Variants in IL7 observed in about 807,000 individuals in gnomAD.
IL7 encodes the protein interleukin-7.
A neutral mutation model predicts 21.6 loss-of-function variants in IL7; 3 were observed. The observed-to-expected ratio is 0.14, with a 90% CI of 0.06 to 0.36. The LOEUF (loss-of-function observed/expected upper bound fraction) is 0.36. Among genes scored for constraint, IL7 ranks in the 10% least tolerant of loss-of-function variants. The pLI, the probability that IL7 is intolerant of heterozygous loss-of-function variation, is 1.00. For missense variants in IL7, 175 were observed against 200.2 expected (o/e 0.87, Z 0.76); for synonymous variants, 62 against 68.1 (o/e 0.91, Z 0.44).
At chr8:78,737,343 A>C (rs1364789005) in intron 4 of IL7, among the ~76,000 whole-genome samples, 1 of 152,172 alleles carries the variant, frequency 6.6e-6, no homozygotes, top group Non-Finnish European at 1.5e-5. Flanking sequence ...TATCTGCATT[A>C]GACAGTACTT....
chr8:78,776,129 T>A (rs1411480382), intron 2 of IL7, among the ~76,000 whole-genome samples: 3 of 152,038 alleles, frequency 2.0e-5, no homozygotes, highest in African/African-American at 7.2e-5. Flanking sequence ...ATAGAGCAAT[T>A]ATGACAATAT....
chr8:78,750,143 G>A (rs1002420342), intron 2 of IL7, among the ~76,000 whole-genome samples: 4 of 152,030 alleles, frequency 2.6e-5, no homozygotes, highest in Non-Finnish European at 5.9e-5. Flanking sequence ...TTTTATCAGA[G>A]TCTGATCTGC....
chr8:78,715,425 A>G (rs547542038), downstream of IL7: 250 of 1,139,656 alleles, frequency 2.2e-4, no homozygotes, highest in Non-Finnish European at 2.9e-4. Context: ...AGCTATTTAT[A>G]GAAAACCTGA....
At chr8:78,768,042 T>C (rs1246192895) in intron 2 of IL7, among the ~76,000 whole-genome samples, 1 of 152,146 alleles carries the variant, frequency 6.6e-6, no homozygotes, top group Admixed American at 6.6e-5. Context: ...GTTCTTGTGA[T>C]AGTTTACTGA....
At chr8:78,693,440 G>A (rs1017953401) in intron 3 of IL7, among the ~76,000 whole-genome samples, 1 of 152,134 alleles carries the variant, frequency 6.6e-6, no homozygotes, top group African/African-American at 2.4e-5. Context: ...GGTGTGAGAT[G>A]GTATCTCATT....
At chr8:78,765,156 C>A (rs1812716446) in intron 2 of IL7, among the ~76,000 whole-genome samples, 1 of 152,054 alleles carries the variant, frequency 6.6e-6, no homozygotes, top group African/African-American at 2.4e-5. Context: ...AGACACAGAC[C>A]TTGAACCTTT....
rs146162610 is a variant in IL7 at position 78,779,112 on chromosome 8, G to T, written c.147+18960C>A. On this transcript the variant is annotated intron_variant, in intron 2 of 5. Transcript: ENST00000263851. ...TGATTTTGTATTCTGAGATTTTGCT[G>T]AAGTTGCTTATCAGCTTAAGAAGCT... Among the ~76,000 whole-genome samples the T allele has an allele frequency of 8.9e-3, 1,360 of 152,288 alleles. 15 individuals carry two copies. Among genetic ancestry groups the T allele is most frequent in the African/African-American group, 0.031 (1,282 of 41,546 alleles).
chr8:78,750,790 C>G (rs1425093977), intron 2 of IL7, among the ~76,000 whole-genome samples: 1 of 152,138 alleles, frequency 6.6e-6, no homozygotes, highest in Non-Finnish European at 1.5e-5. Flanking sequence ...TGCCACTGCA[C>G]TCCAGCCTGG....
At chr8:78,703,999 A>G (rs1810688858) in intron 3 of IL7, among the ~76,000 whole-genome samples, 1 of 152,114 alleles carries the variant, frequency 6.6e-6, no homozygotes, top group African/African-American at 2.4e-5. Flanking sequence ...TTCCTACAGC[A>G]TTTGCTGGTC....
At chr8:78,725,480 A>G (rs978062764) in intron 3 of IL7, among the ~76,000 whole-genome samples, 3 of 152,080 alleles carry the variant, frequency 2.0e-5, no homozygotes, top group Admixed American at 6.6e-5. Context: ...CAGAGATTCT[A>G]TGCATTTCCC....
chr8:78,747,464 C>T (rs186552018), intron 2 of IL7, among the ~76,000 whole-genome samples: 1 of 152,110 alleles, frequency 6.6e-6, no homozygotes, highest in Non-Finnish European at 1.5e-5. Context: ...ACTATGACAA[C>T]CTATCCATGG....
chr8:78,680,255 C>G (rs901579130), intron 4 of IL7, among the ~76,000 whole-genome samples: 3 of 140,664 alleles, frequency 2.1e-5, no homozygotes, highest in Non-Finnish European at 1.5e-5. Context: ...AGTCCGCAGT[C>G]CGGCCTGGGC....
chr8:78,720,889 C>T (rs1191008143), intron 5 of IL7: 1 of 151,714 alleles, frequency 6.6e-6, no homozygotes, highest in African/African-American at 2.4e-5. Flanking sequence ...AGATAAGGAT[C>T]TTTTTTTCCC....
chr8:78,775,812 CG>C (rs1423242271), intron 2 of IL7, among the ~76,000 whole-genome samples: 3 of 151,950 alleles, frequency 2.0e-5, no homozygotes, highest in Non-Finnish European at 4.4e-5. Context: ...TAGAAGTAAG[CG>C]TAAGGATGAT....
rs1209007107 is a variant in IL7, at chr8:78,733,728, G to A, written c.519C>T (p.Gly173=). 25 of 1,599,208 alleles carry A rather than the reference G, an allele frequency of 1.6e-5. No homozygotes were observed. The highest frequency in any genetic ancestry group is 1.7e-4 in the Middle Eastern group (1 of 6,020). ...TCCATATTTTTCAGTGTTCTTTAGT[G>A]CCCATCAAAATTTTATTCCAACAAG... is the stretch of plus-strand genomic sequence containing the variant. ...IKTCWNKILM[G]TKEH is the part of the protein sequence containing the mutation. Residue 173 remains glycine, a synonymous_variant, in exon 6 of 6, where the codon GGC becomes GGT. Coordinates refer to ENST00000263851, the MANE Select transcript of IL7 (RefSeq NM_000880.4).
In IL7 at chr8:78,774,093, A is replaced by AT. The variant is rs1431132287; in HGVS notation, c.147+23978_147+23979insA. Among the ~76,000 whole-genome samples, 4 of 152,248 alleles carry AT rather than the reference A, an allele frequency of 2.6e-5. No individual in the cohort carries two copies. In the East Asian group the frequency reaches 7.7e-4, roughly 29 times the overall value. ...AAAAGAGCAGAGAAAAGAAAAAAAAACATATATTTGTGAGTTCAACTGTGT... is the reference window on the plus strand; with the variant it reads ...AAAAGAGCAGAGAAAAGAAAAAAAAATCATATATTTGTGAGTTCAACTGTGT... On this transcript the variant is annotated intron_variant, in intron 2 of 5. Coordinates refer to ENST00000263851, the MANE Select transcript of IL7 (RefSeq NM_000880.4).
chr8:78,710,707 A>G lies in IL7; in HGVS notation n.214+10641T>C, dbSNP rs183954798. On this transcript the variant is annotated intron_variant and non_coding_transcript_variant, in intron 3 of 4. Transcript: ENST00000523959. ...TAAAATCTGAATGTTTAAAATTCCA[A>G]TAGATGGGTTTCTTTGTACTTTAAC... 4.6e-5 allele frequency among the ~76,000 whole-genome samples: 7 copies of G among 152,232 alleles called. No individual in the cohort carries two copies. The Middle Eastern group carries it at 0.01, about 222-fold the overall frequency.
chr8:78,766,681 T>G (rs1466510124), intron 2 of IL7, among the ~76,000 whole-genome samples: 8 of 152,154 alleles, frequency 5.3e-5, no homozygotes, highest in Non-Finnish European at 5.9e-5. Flanking sequence ...TATTCCACAT[T>G]AAGTGTGTTC....
At chr8:78,717,742 A>G, downstream of IL7, 1 of 267,804 alleles carries the variant, frequency 3.7e-6, no homozygotes, top group Non-Finnish European at 7.0e-6. Context: ...CTGTCAGAAA[A>G]TAATTTCAAA....
Sources: gnomAD v4.1 joint callset for allele counts (sites outside exome capture counted in the v4.1 genomes callset) on GRCh38, gnomAD v4.1.1 for gene constraint, MANE v1.5 for transcripts, NCBI Gene and HGNC (gene_info 2026-07-23, HGNC 2026-07-21) for gene names.